The following IFT81 variants were observed in gnomAD, a reference collection of about 807,000 sequenced individuals.
The protein encoded by IFT81 is intraflagellar transport 81.
Under a neutral mutation model 102.6 loss-of-function variants are expected in IFT81, and 72 were observed. That is an observed-to-expected ratio of 0.70 (90% CI 0.58 to 0.85). The LOEUF (loss-of-function observed/expected upper bound fraction) is 0.85, where lower values mean the gene tolerates loss of function less well. IFT81 is among the 40% of genes least tolerant of loss of function. The probability of loss-of-function intolerance (pLI) is 0.00; values close to 1 mark genes in which losing one functional copy is unlikely to be tolerated. For synonymous variants in IFT81, 237 were observed against 242.7 expected, an observed-to-expected ratio of 0.98 and a Z score of 0.22; for missense variants, 723 against 787.3, an observed-to-expected ratio of 0.92 and a Z score of 0.98.
At chr12:110,139,512 A>G (rs1169470120) in intron 8 of IFT81, among the ~76,000 whole-genome samples, 1 of 151,632 alleles carries the variant, frequency 6.6e-6, no homozygotes, top group Non-Finnish European at 1.5e-5. Flanking sequence ...CTATCTCTAC[A>G]AAAAATAAAA....
chr12:110,211,578 A>G (rs1205847743), intron 18 of IFT81, among the ~76,000 whole-genome samples: 1 of 151,830 alleles, frequency 6.6e-6, no homozygotes, highest in South Asian at 2.1e-4. Flanking sequence ...AAAACATACC[A>G]TATTCCTCCG....
At chr12:110,216,484 C>T (rs927657671) in intron 18 of IFT81, 94 of 452,560 alleles carry the variant, frequency 2.1e-4, no homozygotes, top group Non-Finnish European at 3.9e-4. Flanking sequence ...TGTGAGTCAC[C>T]GTGCCCAGCC....
intron 18 of IFT81, among the ~76,000 whole-genome samples, chr12:110,216,148 T>G (rs1401608618): frequency 6.6e-6 from 1 of 152,146 alleles, no homozygotes; most frequent in East Asian, 1.9e-4. Context: ...TACTTTTATT[T>G]TCCCCTATTA....
chr12:110,202,177 C>A (rs749409031), intron 14 of IFT81, among the ~76,000 whole-genome samples: 1 of 152,118 alleles, frequency 6.6e-6, no homozygotes, highest in Non-Finnish European at 1.5e-5. Flanking sequence ...CATTATGATG[C>A]CTATGATATC....
chr12:110,186,522 T>C (rs1897537772), intron 12 of IFT81, among the ~76,000 whole-genome samples: 1 of 152,152 alleles, frequency 6.6e-6, no homozygotes, highest in Non-Finnish European at 1.5e-5. Context: ...TGTTTTTGTT[T>C]TGTTTTTTTG....
intron 11 of IFT81, among the ~76,000 whole-genome samples, chr12:110,166,730 A>G (rs1203481530): frequency 6.6e-6 from 1 of 150,816 alleles, no homozygotes; most frequent in African/African-American, 2.4e-5. Context: ...ACCCATTCCT[A>G]TAGTGCCTTG....
At chr12:110,144,863 CTTTT>C (rs34675452) in intron 9 of IFT81, among the ~76,000 whole-genome samples, 1 of 93,066 alleles carries the variant, frequency 1.1e-5, no homozygotes. Context: ...GGTGCAGTGC[CTTTT>C]TTTTTTTTTT....
chr12:110,174,591 T>C (rs966000822), intron 11 of IFT81, among the ~76,000 whole-genome samples: 21 of 152,194 alleles, frequency 1.4e-4, no homozygotes, highest in African/African-American at 4.8e-4. Context: ...GGGAGAAAAT[T>C]TGCAGCAGGA....
intron 18 of IFT81, among the ~76,000 whole-genome samples, chr12:110,217,829 C>T (rs1593386578): frequency 6.6e-6 from 1 of 152,110 alleles, no homozygotes; most frequent in Non-Finnish European, 1.5e-5. Context: ...ATCTGCCCAC[C>T]TCAGCCTCCC....
chr12:110,198,214 G>A (rs541655667), intron 14 of IFT81, among the ~76,000 whole-genome samples: 2 of 151,058 alleles, frequency 1.3e-5, no homozygotes, highest in East Asian at 1.9e-4. Context: ...GTGAGTGTGC[G>A]CGTATGTGTG....
In IFT81 at chr12:110,218,388, T is replaced by G. The variant is rs1593387259; in HGVS notation, c.*162T>G. ...AAATAATGTTAAGGTAGATTTAGTT[T>G]GAATGTTTTTTCATATGAAAAAGAG... On this transcript the variant is annotated 3_prime_UTR_variant, in exon 19 of 19. Transcript: ENST00000242591. 2.0e-6 allele frequency: 1 copy of G among 501,586 alleles called. No homozygotes were observed. Among genetic ancestry groups the G allele is most frequent in the East Asian group, 3.5e-5 (1 of 28,758 alleles). 31.1% of individuals were successfully genotyped at this position (501,586 alleles called of 1,614,324 possible). A position where few individuals can be genotyped will look rare whatever the true frequency, so the allele number is the denominator to read the frequency against.
At chr12:110,134,063 C>T (rs763425834) in intron 5 of IFT81, among the ~76,000 whole-genome samples, 1 of 152,040 alleles carries the variant, frequency 6.6e-6, no homozygotes, top group African/African-American at 2.4e-5. Context: ...TGCAATGGCG[C>T]AATCTTGGCT....
At chr12:110,186,106 A>G (rs1429528219) in intron 12 of IFT81, among the ~76,000 whole-genome samples, 1 of 152,098 alleles carries the variant, frequency 6.6e-6, no homozygotes, top group East Asian at 1.9e-4. Context: ...CCTGTATTTT[A>G]CCTTCATTTT....
At chr12:110,188,768 CA>C (rs113399140) in intron 12 of IFT81, among the ~76,000 whole-genome samples, 1,744 of 122,896 alleles carry the variant, frequency 0.014, 3 homozygotes, top group Admixed American at 0.014. Flanking sequence ...ACTAAAAATA[CA>C]AAAAAAAAAA....
At chr12:110,173,309 C>T (rs1896867906) in intron 11 of IFT81, among the ~76,000 whole-genome samples, 1 of 150,132 alleles carries the variant, frequency 6.7e-6, no homozygotes, top group Non-Finnish European at 1.5e-5. Context: ...AGCCTCTCTG[C>T]CCGGCCAGCC....
At chr12:110,205,414 T>C (rs1393119598) in intron 15 of IFT81, 29 bp from the exon 16 acceptor site, 2 of 1,562,004 alleles carry the variant, frequency 1.3e-6, no homozygotes, top group Non-Finnish European at 1.7e-6. Flanking sequence ...CTTTCGATAA[T>C]GTCACCTATC....
chr12:110,176,132 A>G (rs1318097742), intron 11 of IFT81, among the ~76,000 whole-genome samples: 1 of 151,778 alleles, frequency 6.6e-6, no homozygotes, highest in Non-Finnish European at 1.5e-5. Flanking sequence ...CCCTAATCCC[A>G]TCATTGCATA....
chr12:110,198,745 C>T (rs1279358763), intron 14 of IFT81, among the ~76,000 whole-genome samples: 5 of 151,470 alleles, frequency 3.3e-5, no homozygotes, highest in Admixed American at 2.6e-4. Context: ...ATTTCATCCA[C>T]TTAATTTTTA....
chr12:110,171,270 T>C (rs945237317), intron 11 of IFT81, among the ~76,000 whole-genome samples: 10 of 152,144 alleles, frequency 6.6e-5, no homozygotes, highest in African/African-American at 2.2e-4. Context: ...ATGGATTTTT[T>C]TTTTTTTTCT....
Sources: gnomAD v4.1 joint callset for allele counts (sites outside exome capture counted in the v4.1 genomes callset) on GRCh38, gnomAD v4.1.1 for gene constraint, MANE v1.5 for transcripts, NCBI Gene and HGNC (gene_info 2026-07-23, HGNC 2026-07-21) for gene names.